Variants in NCALD observed in about 807,000 individuals in gnomAD.
NCALD encodes neurocalcin-delta.
In NCALD, 10 loss-of-function variants were observed where a neutral mutation model predicts 18.6. The observed-to-expected ratio is 0.54, with a 90% CI of 0.33 to 0.91. The LOEUF is 0.91. Among genes scored for constraint, NCALD ranks in the 40% least tolerant of loss-of-function variants. The pLI, the probability that NCALD is intolerant of heterozygous loss-of-function variation, is 0.03. For missense variants in NCALD, 184 were observed against 247.6 expected (o/e 0.74, Z 1.72); for synonymous variants, 88 against 87.4 (o/e 1.01, Z -0.04).
At chr8:101,959,645 T>C (rs1261318211) in intron 2 of NCALD, among the ~76,000 whole-genome samples, 1 of 152,192 alleles carries the variant, frequency 6.6e-6, no homozygotes, top group Non-Finnish European at 1.5e-5. Flanking sequence ...AGCAGGCTAC[T>C]AGGTCCTACA....
intron 1 of NCALD, among the ~76,000 whole-genome samples, chr8:101,720,913 G>A (rs980260179): frequency 3.3e-5 from 5 of 152,190 alleles, no homozygotes; most frequent in African/African-American, 1.2e-4. Flanking sequence ...ACCTAGCTGT[G>A]TGTGCAGGGG....
At chr8:102,054,342 C>A (rs570555436) in intron 1 of NCALD, among the ~76,000 whole-genome samples, 2 of 151,960 alleles carry the variant, frequency 1.3e-5, no homozygotes, top group Non-Finnish European at 2.9e-5. Context: ...TTTTTAAATC[C>A]GTAAATTAGA....
rs998146033 is a variant in NCALD at position 101,872,234 on chromosome 8, C to T, written c.-20+14907G>A. 4.8e-6 allele frequency: 7 copies of T among 1,460,052 alleles called. No individual in the cohort carries two copies. The Middle Eastern group carries it at 1.4e-3, about 300-fold the overall frequency. 90.4% of individuals were successfully genotyped at this position (1,460,052 alleles called of 1,614,324 possible). A position where few individuals can be genotyped will look rare whatever the true frequency, so the allele number is the denominator to read the frequency against. On this transcript the variant is annotated intron_variant, in intron 4 of 6. Coordinates refer to the NCALD transcript ENST00000311028. ...CACAAGCCCTCACTGGCTTTGGTAA[C>T]TTCTTGAACATAATACTTCCCTGAA...
At chr8:101,843,579 A>ATTATTTTTTT (rs1554644288) in intron 4 of NCALD, among the ~76,000 whole-genome samples, 1 of 101,212 alleles carries the variant, frequency 9.9e-6, no homozygotes, top group Admixed American at 1.0e-4. Flanking sequence ...ATCTTTAAAA[A>ATTATTTTTTT]TTGTTTTTTT....
intron 2 of NCALD, among the ~76,000 whole-genome samples, chr8:101,956,705 A>C (rs916989627): frequency 6.6e-5 from 10 of 152,148 alleles, no homozygotes; most frequent in African/African-American, 1.9e-4. Flanking sequence ...CAGTCAAGAA[A>C]TTATATGTAC....
intron 1 of NCALD, among the ~76,000 whole-genome samples, chr8:101,738,884 TTCA>T (rs977378349): frequency 9.2e-5 from 14 of 152,236 alleles, no homozygotes; most frequent in East Asian, 1.9e-4. Context: ...CTTCATCATC[TTCA>T]TCATCATCAT....
chr8:101,767,362 G>A (rs1039888419), intron 1 of NCALD, among the ~76,000 whole-genome samples: 2 of 152,122 alleles, frequency 1.3e-5, no homozygotes, highest in Non-Finnish European at 2.9e-5. Context: ...TGACTGAATG[G>A]AAACACACAC....
At chr8:101,845,031 G>T (rs1383290344) in intron 4 of NCALD, among the ~76,000 whole-genome samples, 2 of 152,206 alleles carry the variant, frequency 1.3e-5, no homozygotes, top group Non-Finnish European at 2.9e-5. Flanking sequence ...TTAAAGAAAT[G>T]AAGGACAGAA....
chr8:101,779,510 T>C (rs1233669192), intron 1 of NCALD, among the ~76,000 whole-genome samples: 2 of 152,144 alleles, frequency 1.3e-5, no homozygotes, highest in Non-Finnish European at 2.9e-5. Flanking sequence ...AACTAAAATG[T>C]AGTATGTGTT....
At position 101,801,512 on chromosome 8, in the gene NCALD, C is replaced by T. The variant is rs191148037; in HGVS notation, c.-19-81864G>A. Among the ~76,000 whole-genome samples the T allele has an allele frequency of 4.0e-3, 602 of 151,592 alleles. 3 individuals are homozygous for T. The highest frequency in any genetic ancestry group is 6.8e-3 in the Non-Finnish European group (463 of 67,912). On this transcript the variant is annotated intron_variant, in intron 4 of 6. Transcript: ENST00000311028. ...CTGAAATCACAGAGAATACTCTTTG[C>T]AAACAGTGGATTAAAGCTAGGAATC...
chr8:102,051,843 T>A (rs145088046), intron 1 of NCALD, among the ~76,000 whole-genome samples: 2 of 152,380 alleles, frequency 1.3e-5, no homozygotes, highest in Non-Finnish European at 2.9e-5. Flanking sequence ...TACTTCAGTA[T>A]GTTTAAAACA....
chr8:101,883,667 T>C (rs1197652549), intron 4 of NCALD, among the ~76,000 whole-genome samples: 1 of 152,248 alleles, frequency 6.6e-6, no homozygotes, highest in Non-Finnish European at 1.5e-5. Context: ...TATATGCTGT[T>C]ATTTAACTAA....
At chr8:101,767,007 T>G (rs1209665721) in intron 1 of NCALD, among the ~76,000 whole-genome samples, 1 of 152,262 alleles carries the variant, frequency 6.6e-6, no homozygotes, top group Non-Finnish European at 1.5e-5. Context: ...TATGGACATC[T>G]TTCCATTTTA....
intron 2 of NCALD, among the ~76,000 whole-genome samples, chr8:101,955,417 G>C (rs929565164): frequency 6.6e-6 from 1 of 152,138 alleles, no homozygotes; most frequent in Non-Finnish European, 1.5e-5. Flanking sequence ...GAAGCCCAAG[G>C]ACATGACTCT....
At chr8:101,809,688 G>A (rs1286219341) in intron 4 of NCALD, among the ~76,000 whole-genome samples, 1 of 152,062 alleles carries the variant, frequency 6.6e-6, no homozygotes, top group Non-Finnish European at 1.5e-5. Context: ...GGGATAACAG[G>A]CATGCGCCAC....
chr8:101,739,881 T>C (rs972551472), intron 1 of NCALD, among the ~76,000 whole-genome samples: 9 of 152,176 alleles, frequency 5.9e-5, no homozygotes, highest in African/African-American at 2.2e-4. Context: ...CTCCCCTTCA[T>C]ATATGCATCT....
chr8:101,914,687 C>T (rs1304296808), intron 3 of NCALD, among the ~76,000 whole-genome samples: 2 of 152,024 alleles, frequency 1.3e-5, no homozygotes, highest in Non-Finnish European at 2.9e-5. Context: ...TCAAATTTTC[C>T]ATCTTTGGAC....
chr8:102,034,279 C>G (rs1822785891), intron 1 of NCALD, among the ~76,000 whole-genome samples: 1 of 152,164 alleles, frequency 6.6e-6, no homozygotes, highest in Admixed American at 6.5e-5. Context: ...GGGGAATTAA[C>G]ATCATCAACA....
intron 2 of NCALD, among the ~76,000 whole-genome samples, chr8:102,001,240 A>G (rs1821453308): frequency 1.3e-5 from 2 of 152,264 alleles, no homozygotes; most frequent in South Asian, 4.1e-4. Context: ...CACAAGCCTC[A>G]GTAGCTGATT....
Sources: gnomAD v4.1 joint callset for allele counts (sites outside exome capture counted in the v4.1 genomes callset) on GRCh38, gnomAD v4.1.1 for gene constraint, MANE v1.5 for transcripts, NCBI Gene and HGNC (gene_info 2026-07-23, HGNC 2026-07-21) for gene names.